The following PDIA3 variants were observed in gnomAD, a reference collection of about 807,000 sequenced individuals.
The protein encoded by PDIA3 is protein disulfide-isomerase A3.
A neutral mutation model predicts 56.9 loss-of-function variants in PDIA3; 16 were observed. The ratio of observed to expected loss-of-function variants is 0.28; its 90% confidence interval spans 0.19 to 0.43. PDIA3 has a LOEUF of 0.43. Among genes scored for constraint, PDIA3 ranks in the 20% least tolerant of loss-of-function variants. The pLI, the probability that PDIA3 is intolerant of heterozygous loss-of-function variation, is 1.00. For synonymous variants in PDIA3, 192 were observed against 216.5 expected, an observed-to-expected ratio of 0.89 and a Z score of 0.99; for missense variants, 485 against 621.3, an observed-to-expected ratio of 0.78 and a Z score of 2.33.
At chr15:43,760,328 C>A (rs2086806264) in intron 3 of PDIA3, among the ~76,000 whole-genome samples, 1 of 150,714 alleles carries the variant, frequency 6.6e-6, no homozygotes. Context: ...GAGGTCGAGG[C>A]TGCAGTGAGC....
rs1329068394 is a variant in PDIA3, at chr15:43,772,910, C to G, written c.*1692C>G. 1.2e-5 allele frequency: 5 copies of G among 422,940 alleles called. No homozygotes were observed. The allele number at this position is 422,940 out of a possible 1,614,324, so 26.2% of individuals were successfully genotyped here. A position where few individuals can be genotyped will look rare whatever the true frequency, so the allele number is the denominator to read the frequency against. On this transcript the variant is annotated 3_prime_UTR_variant, in exon 13 of 13. Transcript: ENST00000300289. The stretch of plus-strand genomic sequence containing the variant: ...GTCACTTTTCCTAGACTCCTAGGCA[C>G]AGCTATGGAGTCTTTGCACAGTGCC...
intron 4 of PDIA3, among the ~76,000 whole-genome samples, chr15:43,762,749 A>AT (rs1485447407): frequency 1.3e-5 from 2 of 152,216 alleles, no homozygotes; most frequent in African/African-American, 4.8e-5. Flanking sequence ...TTGACATGTC[A>AT]TCTTAATTTA....
intron 1 of PDIA3, among the ~76,000 whole-genome samples, chr15:43,750,603 G>A (rs890072608): frequency 7.3e-5 from 11 of 150,560 alleles, no homozygotes; most frequent in Admixed American, 2.7e-4. Context: ...GTGAAACCCC[G>A]TCTCTACTAA....
At position 43,768,609 on chromosome 15, in the gene PDIA3, A is replaced by C. The variant is rs370951773; in HGVS notation, c.1137+12A>C. On this transcript the variant is annotated intron_variant, in intron 9 of 12. Coordinates refer to ENST00000300289, the MANE Select transcript of PDIA3 (RefSeq NM_005313.5). ...ATGGGCCTGTGAAGGTGAGGTGCTC[A>C]CAGCCTCATCAAGCTATGAGCAATT... 1.5e-4 allele frequency: 227 copies of C among 1,535,866 alleles called. No individual in the cohort carries two copies. In the Middle Eastern group the frequency reaches 1.7e-3, roughly 11 times the overall value.
At chr15:43,769,135 A>T (rs975248733) in intron 9 of PDIA3, among the ~76,000 whole-genome samples, 1 of 152,074 alleles carries the variant, frequency 6.6e-6, no homozygotes, top group African/African-American at 2.4e-5. Context: ...ACTCTTGAGG[A>T]TAGAGCAACC....
At chr15:43,769,439 G>A in intron 9 of PDIA3, 79 bp from the exon 10 acceptor site, 1 of 1,323,260 alleles carries the variant, frequency 7.6e-7, no homozygotes, top group Admixed American at 1.9e-5. Context: ...AAATTAGAGA[G>A]GGATTGGGTC....
intron 8 of PDIA3, among the ~76,000 whole-genome samples, chr15:43,767,626 C>T (rs1032994179): frequency 3.3e-5 from 5 of 150,978 alleles, no homozygotes; most frequent in Admixed American, 6.6e-5. Context: ...AAAAATTAGC[C>T]GGGTGTGACG....
chr15:43,769,751 T>C, intron 10 of PDIA3, 105 bp downstream of exon 10: 2 of 1,259,422 alleles, frequency 1.6e-6, no homozygotes, highest in Middle Eastern at 1.9e-4. Context: ...ACTGATAGAT[T>C]TTTTTCCCAA....
Position 43,769,565 on chromosome 15 carries a change from A to G in PDIA3, c.1185A>G (p.Lys395=). 6.2e-7 allele frequency: 1 copy of G among 1,612,990 alleles called. No individual in the cohort carries two copies. The highest frequency in any genetic ancestry group is 1.7e-4 in the Middle Eastern group (1 of 6,060). ...NFDEIVNNEN[K]DVLIEFYAPW... Reference sequence around the variant, plus strand: ...ATGAAATAGTGAATAATGAAAATAAAGATGTGCTGATTGAATTTTATGCCC... The same window carrying G: ...ATGAAATAGTGAATAATGAAAATAAGGATGTGCTGATTGAATTTTATGCCC... The change falls in exon 10 of 13, where the codon AAA becomes AAG. Residue 395 remains lysine (K), a synonymous_variant. Coordinates refer to ENST00000300289, the MANE Select transcript of PDIA3 (RefSeq NM_005313.5).
intron 6 of PDIA3, 114 bp from the exon 7 acceptor site, chr15:43,765,773 T>G: frequency 5.1e-6 from 6 of 1,186,122 alleles, no homozygotes; most frequent in Non-Finnish European, 7.3e-6. Flanking sequence ...TCAGTACTTG[T>G]TCTAAATGTT....
At chr15:43,758,738 G>A (rs979472920) in intron 3 of PDIA3, among the ~76,000 whole-genome samples, 28 of 151,976 alleles carry the variant, frequency 1.8e-4, no homozygotes, top group African/African-American at 6.5e-4. Context: ...CTCTTTGGGA[G>A]GCCAAGGTAG....
chr15:43,757,908 C>T (rs2086790126), intron 3 of PDIA3, among the ~76,000 whole-genome samples: 1 of 150,542 alleles, frequency 6.6e-6, no homozygotes, highest in Non-Finnish European at 1.5e-5. Flanking sequence ...ATATGGATAA[C>T]CATCTCATAC....
In PDIA3 at chr15:43,763,070, T is replaced by C; in HGVS notation, c.473-7T>C. 1 of 1,613,532 alleles carries C rather than the reference T, an allele frequency of 6.2e-7. No individual in the cohort carries two copies. The highest frequency in any genetic ancestry group is 8.5e-7 in the Non-Finnish European group (1 of 1,179,612). ...CTTCTTCCTTGTGTTTAATATTTTC[T>C]GTATAGGTTTTTTCGATGATTCATT... is the stretch of plus-strand genomic sequence containing the variant. On this transcript the variant is annotated splice_region_variant and splice_polypyrimidine_tract_variant and intron_variant, in intron 4 of 12. Coordinates refer to ENST00000300289, the MANE Select transcript of PDIA3 (RefSeq NM_005313.5).
At chr15:43,766,331 A>G (rs758126188) in intron 7 of PDIA3, among the ~76,000 whole-genome samples, 7 of 152,174 alleles carry the variant, frequency 4.6e-5, no homozygotes, top group Non-Finnish European at 8.8e-5. Flanking sequence ...GCTTTGTGAC[A>G]CAGTGACTCC....
chr15:43,755,564 T>TATG (rs1166648553), intron 2 of PDIA3, among the ~76,000 whole-genome samples: 1 of 152,180 alleles, frequency 6.6e-6, no homozygotes, highest in East Asian at 1.9e-4. Context: ...AGTTCATATA[T>TATG]AAGGCTATTT....
At chr15:43,756,254 G>A (rs557574698) in intron 2 of PDIA3, among the ~76,000 whole-genome samples, 2 of 152,258 alleles carry the variant, frequency 1.3e-5, no homozygotes, top group Non-Finnish European at 2.9e-5. Context: ...TACACCTAAA[G>A]GATATGTACC....
At chr15:43,768,638 T>A (rs2086862927) in intron 9 of PDIA3, 41 bp downstream of exon 9, 2 of 1,284,782 alleles carry the variant, frequency 1.6e-6, no homozygotes, top group Non-Finnish European at 2.3e-6. Context: ...AGCAATTGCC[T>A]GTCCTCATTT....
chr15:43,758,131 G>T (rs771917630), intron 3 of PDIA3, among the ~76,000 whole-genome samples: 1 of 150,750 alleles, frequency 6.6e-6, no homozygotes, highest in African/African-American at 2.4e-5. Context: ...CCAGCTACTC[G>T]GGAGGCTGAG....
In PDIA3 at chr15:43,765,546, A is replaced by G; in HGVS notation, c.699A>G (p.Lys233=). The change falls in exon 6 of 13, where the codon AAA becomes AAG. Residue 233 remains lysine, a synonymous_variant. Coordinates refer to ENST00000300289, the MANE Select transcript of PDIA3 (RefSeq NM_005313.5). ...TEQKMTSGKI[K]KFIQENIFGI... ...AAAAAATGACCAGTGGCAAAATTAA[A>G]AAGTTTATCCAGGAAAACATGTGAG... 6.3e-7 allele frequency: 1 copy of G among 1,599,642 alleles called. No homozygotes were observed. Among genetic ancestry groups the G allele is most frequent in the Admixed American group, 1.7e-5 (1 of 59,714 alleles).
Sources: allele counts gnomAD v4.1 joint callset (sites outside exome capture counted in the v4.1 genomes callset), GRCh38; gene constraint gnomAD v4.1.1; transcripts MANE v1.5; gene names NCBI Gene and HGNC (gene_info 2026-07-23, HGNC 2026-07-21).